Variants in RMST observed in about 807,000 individuals in gnomAD.
The protein encoded by RMST is rhabdomyosarcoma 2 associated transcript, also known as long intergenic non-protein coding RNA 54.
chr12:97,541,727 AAAG>A (rs1454449500), intron 11 of RMST, among the ~76,000 whole-genome samples: 1 of 143,210 alleles, frequency 7.0e-6, no homozygotes. Flanking sequence ...ATTTAAAAAA[AAAG>A]AAAAAGAAAA....
intron 11 of RMST, among the ~76,000 whole-genome samples, chr12:97,531,354 A>G (rs376849818): frequency 3.3e-5 from 5 of 152,062 alleles, no homozygotes; most frequent in East Asian, 1.9e-4. Context: ...GTCGCACAAC[A>G]TAATTGGGGC....
At chr12:97,513,077 C>T (rs894464679) in intron 10 of RMST, among the ~76,000 whole-genome samples, 5 of 152,354 alleles carry the variant, frequency 3.3e-5, no homozygotes, top group Admixed American at 1.3e-4. Context: ...TCGCGCAGGC[C>T]CGCAAGCACC....
intron 10 of RMST, among the ~76,000 whole-genome samples, chr12:97,524,422 T>A (rs1880883534): frequency 2.0e-5 from 3 of 152,090 alleles, no homozygotes; most frequent in Admixed American, 2.0e-4. Context: ...AAAAGAAAAA[T>A]TAACCAGTAG....
intron 11 of RMST, among the ~76,000 whole-genome samples, chr12:97,539,486 G>A (rs1882338116): frequency 6.6e-6 from 1 of 151,476 alleles, no homozygotes; most frequent in Non-Finnish European, 1.5e-5. Flanking sequence ...GTTCACTAAG[G>A]CAACTGCTAA....
At chr12:97,535,837 G>A (rs988791803) in intron 11 of RMST, among the ~76,000 whole-genome samples, 1 of 151,626 alleles carries the variant, frequency 6.6e-6, no homozygotes, top group Admixed American at 6.6e-5. Flanking sequence ...AGTGCTTTGA[G>A]TAATACACTG....
chr12:97,489,282 C>T (rs1210959961), intron 5 of RMST, among the ~76,000 whole-genome samples: 4 of 151,874 alleles, frequency 2.6e-5, no homozygotes, highest in African/African-American at 9.7e-5. Flanking sequence ...CTCATCTCTA[C>T]TAAAAATACA....
intron 11 of RMST, among the ~76,000 whole-genome samples, chr12:97,555,994 CA>C (rs1237491053): frequency 1.3e-5 from 2 of 152,196 alleles, no homozygotes; most frequent in Non-Finnish European, 2.9e-5. Context: ...TCCCCCTTCT[CA>C]GGTTCTTGCT....
chr12:97,495,366 A>G (rs1877291553), intron 9 of RMST, among the ~76,000 whole-genome samples: 1 of 152,116 alleles, frequency 6.6e-6, no homozygotes, highest in African/African-American at 2.4e-5. Flanking sequence ...TAATAATATA[A>G]TGTCTGCATG....
intron 5 of RMST, among the ~76,000 whole-genome samples, chr12:97,474,245 C>T (rs1236284394): frequency 6.6e-6 from 1 of 152,106 alleles, no homozygotes; most frequent in African/African-American, 2.4e-5. Flanking sequence ...GATGCGGCCA[C>T]TCTCAATTCT....
At chr12:97,487,966 C>A (rs899278579) in intron 5 of RMST, among the ~76,000 whole-genome samples, 1 of 152,324 alleles carries the variant, frequency 6.6e-6, no homozygotes, top group African/African-American at 2.4e-5. Context: ...TCTCCTTCTA[C>A]CCCCACGGAT....
chr12:97,539,497 A>G (rs1408583557), intron 11 of RMST, among the ~76,000 whole-genome samples: 1 of 151,658 alleles, frequency 6.6e-6, no homozygotes, highest in Non-Finnish European at 1.5e-5. Context: ...CAACTGCTAA[A>G]TAAACCCAAG....
chr12:97,523,743 G>A (rs1337587833), intron 10 of RMST, among the ~76,000 whole-genome samples: 4 of 152,056 alleles, frequency 2.6e-5, no homozygotes, highest in Non-Finnish European at 5.9e-5. Context: ...AAATATTTAA[G>A]TGCTGTTCAG....
intron 10 of RMST, among the ~76,000 whole-genome samples, chr12:97,518,847 C>A (rs1229192998): frequency 6.6e-6 from 1 of 152,072 alleles, no homozygotes; most frequent in East Asian, 1.9e-4. Context: ...TCATGGCTCA[C>A]TGCATTCTCA....
chr12:97,554,968 T>G (rs1369372866), intron 11 of RMST, among the ~76,000 whole-genome samples: 1 of 152,106 alleles, frequency 6.6e-6, no homozygotes, highest in Non-Finnish European at 1.5e-5. Context: ...AAAGTTATGG[T>G]CTTGCTGCTA....
chr12:97,483,114 C>T (rs1354740821), intron 5 of RMST, among the ~76,000 whole-genome samples: 2 of 152,064 alleles, frequency 1.3e-5, no homozygotes, highest in South Asian at 2.1e-4. Flanking sequence ...ATATCAGACC[C>T]GAATTTTTAG....
chr12:97,472,265 T>A (rs1344059207), intron 5 of RMST, among the ~76,000 whole-genome samples: 1 of 152,092 alleles, frequency 6.6e-6, no homozygotes, highest in African/African-American at 2.4e-5. Context: ...GGTGAGGAAG[T>A]CATCTAGAAG....
At chr12:97,491,779 A>G (rs1876840979) in intron 5 of RMST, 1 of 348,602 alleles carries the variant, frequency 2.9e-6, no homozygotes, top group African/African-American at 2.1e-5. Context: ...TACCATGTCA[A>G]TAGATTAGAA....
At chr12:97,561,803 AT>A (rs1884131927) in intron 13 of RMST, among the ~76,000 whole-genome samples, 1 of 151,842 alleles carries the variant, frequency 6.6e-6, no homozygotes, top group Non-Finnish European at 1.5e-5. Flanking sequence ...ATATTTTACC[AT>A]TTCAAAAGCT....
At position 97,511,005 on chromosome 12, in the gene RMST, C is replaced by A. The variant is rs185463353; in HGVS notation, n.1340+14949C>A. ...TCATCAATTTCTGCAGCCACAGTTA[C>A]GAAAATCCAAAATTTGACTTAAATT... On this transcript the variant is annotated intron_variant and non_coding_transcript_variant, in intron 10 of 13. Transcript: ENST00000640149. Among the ~76,000 whole-genome samples the A allele has an allele frequency of 2.6e-5, 4 of 151,660 alleles. No individual in the cohort carries two copies. In the East Asian group the frequency reaches 7.7e-4, roughly 29 times the overall value.
Sources: allele counts gnomAD v4.1 joint callset (sites outside exome capture counted in the v4.1 genomes callset), GRCh38; gene constraint gnomAD v4.1.1; transcripts MANE v1.5; gene names NCBI Gene and HGNC (gene_info 2026-07-23, HGNC 2026-07-21).